The following SGMS1 variants were observed in gnomAD, a reference collection of about 807,000 sequenced individuals.
The protein encoded by SGMS1 is phosphatidylcholine:ceramide cholinephosphotransferase 1.
In SGMS1, 13 loss-of-function variants were observed where a neutral mutation model predicts 46.2. The observed-to-expected ratio is 0.28, with a 90% CI of 0.18 to 0.45. The LOEUF is 0.45. SGMS1 is among the 20% of genes least tolerant of loss of function. The pLI, the probability that SGMS1 is intolerant of heterozygous loss-of-function variation, is 1.00. For missense variants in SGMS1, 324 were observed against 519.9 expected, an observed-to-expected ratio of 0.62 and a Z score of 3.66; for synonymous variants, 203 against 187.8, an observed-to-expected ratio of 1.08 and a Z score of -0.66.
intron 2 of SGMS1, among the ~76,000 whole-genome samples, chr10:50,572,972 G>A (rs568139927): frequency 6.6e-6 from 1 of 152,238 alleles, no homozygotes; most frequent in Admixed American, 6.5e-5. Flanking sequence ...TACCTTGAAA[G>A]TTTGGCCCAA....
intron 1 of SGMS1, among the ~76,000 whole-genome samples, chr10:50,599,235 C>CA (rs1338065113): frequency 3.3e-5 from 5 of 151,746 alleles, no homozygotes; most frequent in Non-Finnish European, 7.4e-5. Flanking sequence ...AAAACAGTAA[C>CA]AAAAAAGCTC....
intron 6 of SGMS1, among the ~76,000 whole-genome samples, chr10:50,413,700 T>C (rs1246716073): frequency 6.6e-6 from 1 of 151,880 alleles, no homozygotes; most frequent in Non-Finnish European, 1.5e-5. Context: ...TCCCTGGGGG[T>C]TTAAAATTGC....
chr10:50,357,183 T>C (rs1393284429), intron 6 of SGMS1, among the ~76,000 whole-genome samples: 1 of 152,144 alleles, frequency 6.6e-6, no homozygotes, highest in East Asian at 1.9e-4. Context: ...CTAAATTCAA[T>C]TTGGCTCCAA....
chr10:50,526,650 T>G (rs1457577595), intron 2 of SGMS1, among the ~76,000 whole-genome samples: 1 of 152,244 alleles, frequency 6.6e-6, no homozygotes. Context: ...ATGTTAGCTA[T>G]TATTACTGCC....
At chr10:50,464,172 G>GT (rs751505623) in intron 4 of SGMS1, among the ~76,000 whole-genome samples, 1 of 152,070 alleles carries the variant, frequency 6.6e-6, no homozygotes, top group African/African-American at 2.4e-5. Context: ...TATATTATGT[G>GT]TTTTTTACCA....
intron 7 of SGMS1, among the ~76,000 whole-genome samples, chr10:50,329,466 T>C (rs1847582607): frequency 6.6e-6 from 1 of 152,248 alleles, no homozygotes; most frequent in Non-Finnish European, 1.5e-5. Flanking sequence ...TTCTGCTCTT[T>C]GGCATTTAAT....
intron 6 of SGMS1, among the ~76,000 whole-genome samples, chr10:50,373,179 A>G (rs1449822400): frequency 6.6e-6 from 1 of 152,230 alleles, no homozygotes; most frequent in East Asian, 1.9e-4. Context: ...TTTTGAAAGT[A>G]TGATAATTTC....
chr10:50,601,782 A>G (rs1384132032), intron 1 of SGMS1, among the ~76,000 whole-genome samples: 1 of 152,170 alleles, frequency 6.6e-6, no homozygotes, highest in African/African-American at 2.4e-5. Context: ...AATTTTTGTG[A>G]TTTTGGATTA....
chr10:50,427,374 G>C (rs1849342409), intron 6 of SGMS1, among the ~76,000 whole-genome samples: 1 of 152,222 alleles, frequency 6.6e-6, no homozygotes. Context: ...ACTCCAGCCT[G>C]TGTAACAGAG....
intron 3 of SGMS1, among the ~76,000 whole-genome samples, chr10:50,507,753 C>T (rs765154754): frequency 6.6e-6 from 1 of 152,210 alleles, no homozygotes; most frequent in Admixed American, 6.5e-5. Flanking sequence ...GCCTGCCAGG[C>T]TAGACTAAAT....
chr10:50,497,969 C>T (rs1302175975), intron 3 of SGMS1, among the ~76,000 whole-genome samples: 1 of 152,150 alleles, frequency 6.6e-6, no homozygotes, highest in African/African-American at 2.4e-5. Flanking sequence ...TTTTGCTTTT[C>T]CTCTCAGGCT....
At position 50,619,523 on chromosome 10, in the gene SGMS1, TG is replaced by T. The variant is rs548804451; in HGVS notation, c.-684+4183del. 2.2e-4 allele frequency among the ~76,000 whole-genome samples: 34 copies of T among 152,260 alleles called. No individual in the cohort carries two copies. The South Asian group carries it at 6.4e-3, about 29-fold the overall frequency. The stretch of plus-strand genomic sequence containing the variant: ...TCCTGCACTGGAAAGAAGGCTCCTC[TG>T]GGGGAGAGGGGCCTGGGGGGTGCTG... On this transcript the variant is annotated intron_variant, in intron 1 of 10. Transcript: ENST00000361781.
intron 6 of SGMS1, among the ~76,000 whole-genome samples, chr10:50,366,398 C>T (rs1005917171): frequency 3.3e-5 from 5 of 152,142 alleles, no homozygotes; most frequent in Admixed American, 1.3e-4. Context: ...TGTGGTGATT[C>T]CTCAAGGATC....
intron 5 of SGMS1, among the ~76,000 whole-genome samples, chr10:50,442,251 T>A (rs1462610760): frequency 1.3e-5 from 2 of 151,810 alleles, no homozygotes; most frequent in African/African-American, 2.4e-5. Context: ...TAAACTTGTG[T>A]CATGGGGGTT....
At chr10:50,530,092 G>A (rs2133802758) in intron 2 of SGMS1, among the ~76,000 whole-genome samples, 1 of 152,234 alleles carries the variant, frequency 6.6e-6, no homozygotes, top group Non-Finnish European at 1.5e-5. Context: ...CCTGCACATT[G>A]CCTAAAATAA....
intron 6 of SGMS1, chr10:50,418,101 TC>T (rs1849201677): frequency 6.6e-6 from 1 of 152,202 alleles, no homozygotes; most frequent in Non-Finnish European, 1.5e-5. Flanking sequence ...CCTGGAAAGT[TC>T]CTGGGGCACC....
At chr10:50,370,318 AAC>A (rs1848415179) in intron 6 of SGMS1, among the ~76,000 whole-genome samples, 1 of 152,142 alleles carries the variant, frequency 6.6e-6, no homozygotes. Flanking sequence ...CCTTTGTAAT[AAC>A]ACTTAGCTTA....
intron 6 of SGMS1, among the ~76,000 whole-genome samples, chr10:50,379,532 T>C (rs1848572390): frequency 6.6e-6 from 1 of 151,836 alleles, no homozygotes; most frequent in Non-Finnish European, 1.5e-5. Flanking sequence ...GGATAGAGAA[T>C]TGGAGAGGGT....
chr10:50,494,703 A>C (rs1837595735), intron 3 of SGMS1, among the ~76,000 whole-genome samples: 1 of 152,168 alleles, frequency 6.6e-6, no homozygotes, highest in Admixed American at 6.5e-5. Context: ...GTGGGATGAA[A>C]TAATCTGTTC....
Sources: allele counts gnomAD v4.1 joint callset (sites outside exome capture counted in the v4.1 genomes callset), GRCh38; gene constraint gnomAD v4.1.1; transcripts MANE v1.5; gene names NCBI Gene and HGNC (gene_info 2026-07-23, HGNC 2026-07-21).